Variants in RASAL1 observed in about 807,000 individuals in gnomAD.
RASAL1 encodes the protein rasGAP-activating-like protein 1.
A neutral mutation model predicts 96.6 loss-of-function variants in RASAL1; 72 were observed. The ratio of observed to expected loss-of-function variants is 0.75; its 90% CI spans 0.62 to 0.91. RASAL1 has a LOEUF of 0.91. Ranked by LOEUF, RASAL1 falls within the 40% of genes least tolerant of loss-of-function variation. The probability of loss-of-function intolerance (pLI) is 0.00; values close to 1 mark genes in which losing one functional copy is unlikely to be tolerated. For synonymous variants in RASAL1, 405 were observed against 430.4 expected (o/e 0.94, Z 0.73); for missense variants, 1,016 against 1,072.5 (o/e 0.95, Z 0.74).
chr12:113,100,674 T>A lies in RASAL1; in HGVS notation c.2232A>T (p.Lys744Asn), dbSNP rs1950411840. The A allele has an allele frequency of 6.2e-7, 1 of 1,609,086 alleles. No individual in the cohort carries two copies. Among genetic ancestry groups the A allele is most frequent in the Non-Finnish European group, 8.5e-7 (1 of 1,176,196 alleles). The part of the protein sequence containing the change: ...LLLGRDQLRL[K>N]LLEDSNMDTT... ...TATCCATGTTAGAATCCTCCAGTAATTTCAGCCTGGAAGGTAAGAGGGAGA... is the reference window on the plus strand; with the variant it reads ...TATCCATGTTAGAATCCTCCAGTAAATTCAGCCTGGAAGGTAAGAGGGAGA... Residue 744 changes from lysine (K) to asparagine (N), a missense_variant, in exon 20 of 21, where the codon AAA becomes AAT. Lys to Asn is a moderately conservative substitution (Grantham distance 94). Transcript: ENST00000548055.
rs964082304 is a variant in RASAL1, at chr12:113,129,625, G to A, written c.122+1260C>T. On this transcript the variant is annotated intron_variant, in intron 2 of 20. Coordinates refer to ENST00000548055, the MANE Select transcript of RASAL1 (RefSeq NM_001301202.2). The surrounding 1 kb of genome is among the most constrained non-coding windows in gnomAD (Gnocchi z 5.0). The stretch of plus-strand genomic sequence containing the variant: ...GCCCGGTAAAGACACACCCACATTT[G>A]TGGATGCAAAGTTTGGTTCTCATAC... Among the ~76,000 whole-genome samples, 1 of 152,196 alleles carries A rather than the reference G, an allele frequency of 6.6e-6. No individual in the cohort carries two copies. Among genetic ancestry groups the A allele is most frequent in the African/African-American group, 2.4e-5 (1 of 41,444 alleles).
At chr12:113,134,096 AGGCCGTCTCATTCCCAG>A (rs373802034) in intron 1 of RASAL1, among the ~76,000 whole-genome samples, 1,772 of 152,294 alleles carry the variant, frequency 0.012, 21 homozygotes, top group African/African-American at 0.041. Flanking sequence ...CTAACAGTGT[AGGCCGTCTCATTCCCAG>A]GGCCTCTGAG....
intron 13 of RASAL1, among the ~76,000 whole-genome samples, chr12:113,111,067 C>A (rs1950849011): frequency 6.6e-6 from 1 of 151,936 alleles, no homozygotes; most frequent in Non-Finnish European, 1.5e-5. Context: ...TGGCCACAGT[C>A]TTCATGTCTC....
intron 14 of RASAL1, chr12:113,107,709 C>T: frequency 2.5e-6 from 1 of 395,926 alleles, no homozygotes; most frequent in Non-Finnish European, 4.9e-6. Context: ...CTGCACTCCC[C>T]ACTAACCTTA....
In RASAL1 at chr12:113,121,603, G is replaced by A. The variant is rs776090911; in HGVS notation, c.334C>T (p.Pro112Ser). The stretch of plus-strand genomic sequence containing the variant: ...ATCTCACCCTGCACTTCTGCATCTG[G>A]GTCCACTCGGCTCAAGTTAATCCAG... ...DSWINLSRVD[P>S]DAEVQGEICL... Residue 112 changes from proline (P) to serine (S), a missense_variant, in exon 5 of 21, where the codon CCA becomes TCA. Pro to Ser is a moderately conservative substitution (Grantham distance 74, BLOSUM62 -1). Transcript: ENST00000548055. 1 of 1,614,148 alleles carries A rather than the reference G, an allele frequency of 6.2e-7. No individual in the cohort carries two copies. Among genetic ancestry groups the A allele is most frequent in the Non-Finnish European group, 8.5e-7 (1 of 1,180,038 alleles).
In RASAL1 at chr12:113,107,230, G is replaced by A. The variant is rs1950680467; in HGVS notation, c.1524C>T (p.Ser508=). 3.1e-6 allele frequency: 5 copies of A among 1,608,392 alleles called. No individual in the cohort carries two copies. Among genetic ancestry groups the A allele is most frequent in the Non-Finnish European group, 4.2e-6 (5 of 1,176,978 alleles). Residue 508 remains serine, a synonymous_variant, in exon 15 of 21, where the codon AGC becomes AGT. Coordinates refer to ENST00000548055, the MANE Select transcript of RASAL1 (RefSeq NM_001301202.2). ...SLLLLAKAVQ[S]IGNLGQQLGQ... is the part of the protein sequence containing the mutation. ...CCAGCTGCTGGCCCAGGTTTCCAAT[G>A]CTCTGCACAGCCTGGAGCAAAGAAG...
At chr12:113,132,010 C>T (rs1298991394) in intron 1 of RASAL1, among the ~76,000 whole-genome samples, 1 of 139,926 alleles carries the variant, frequency 7.1e-6, no homozygotes, top group Non-Finnish European at 1.5e-5. Context: ...CTCACCGTAT[C>T]ACCCAGGCTG....
In RASAL1 at chr12:113,099,916, C is replaced by T. The variant is rs1249439767; in HGVS notation, c.*13G>A. Reference sequence around the variant, plus strand: ...GCTCTTGCTCCTCCTTCCGGGCTAGCTCTGGCATTTCCTTAGGGGCCAAGG... The same window carrying T: ...GCTCTTGCTCCTCCTTCCGGGCTAGTTCTGGCATTTCCTTAGGGGCCAAGG... On this transcript the variant is annotated 3_prime_UTR_variant, in exon 21 of 21. Transcript: ENST00000548055. 3 of 1,606,064 alleles carry T rather than the reference C, an allele frequency of 1.9e-6. No individual in the cohort carries two copies. The highest frequency in any genetic ancestry group is 2.7e-5 in the African/African-American group (2 of 74,746).
chr12:113,115,317 C>T lies in RASAL1; in HGVS notation c.1004-53G>A. 1 of 1,486,230 alleles carries T rather than the reference C, an allele frequency of 6.7e-7. No individual in the cohort carries two copies. Among genetic ancestry groups the T allele is most frequent in the South Asian group, 1.1e-5 (1 of 88,344 alleles). The allele number at this position is 1,486,230 out of a possible 1,614,324, so 92.1% of individuals were successfully genotyped here. ...GGGATTTAGGGAGCTGAACCCAGCT[C>T]ACCCCACTCACCCAAGGTGGGAGTC... On this transcript the variant is annotated intron_variant, in intron 10 of 20. Coordinates refer to ENST00000548055, the MANE Select transcript of RASAL1 (RefSeq NM_001301202.2). This position sits in a 1 kb window ranked among gnomAD's most constrained non-coding sequence, Gnocchi z 4.1.
At chr12:113,125,934 C>A (rs143280752) in intron 4 of RASAL1, among the ~76,000 whole-genome samples, 8 of 152,156 alleles carry the variant, frequency 5.3e-5, no homozygotes, top group Non-Finnish European at 1.2e-4. Flanking sequence ...ACGAAGAATG[C>A]GGAAACTCTG....
rs951911143 is a variant in RASAL1 at position 113,130,207 on chromosome 12, G to A, written c.122+678C>T. 1.3e-5 allele frequency among the ~76,000 whole-genome samples: 2 copies of A among 152,162 alleles called. No homozygotes were observed. Among genetic ancestry groups the A allele is most frequent in the African/African-American group, 2.4e-5 (1 of 41,420 alleles). On this transcript the variant is annotated intron_variant, in intron 2 of 20. Transcript: ENST00000548055. This position sits in a 1 kb window ranked among gnomAD's most constrained non-coding sequence, Gnocchi z 5.1. ...TGTCCCTCGGCCTGCGGGGGTGGGA[G>A]CCAAGCAGGGCGCAGCCTGATATCC...
chr12:113,107,670 T>C, intron 14 of RASAL1: 1 of 389,062 alleles, frequency 2.6e-6, no homozygotes, highest in Non-Finnish European at 5.0e-6. Context: ...CCTTGGGTGA[T>C]GTCTGTTTCC....
At chr12:113,102,300 G>A (rs1950477022) in intron 18 of RASAL1, among the ~76,000 whole-genome samples, 1 of 152,220 alleles carries the variant, frequency 6.6e-6, no homozygotes, top group African/African-American at 2.4e-5. Flanking sequence ...GCTCACGCCT[G>A]TAATCCCAGA....
chr12:113,105,035 G>C (rs962054822), intron 16 of RASAL1, among the ~76,000 whole-genome samples: 3 of 152,190 alleles, frequency 2.0e-5, no homozygotes, highest in Admixed American at 6.5e-5. Flanking sequence ...CCCAAAATTG[G>C]AACCCAGAGA....
In RASAL1 at chr12:113,115,929, C is replaced by T. The variant is rs761053765; in HGVS notation, c.849+5G>A. 6.3e-7 allele frequency: 1 copy of T among 1,588,172 alleles called. No individual in the cohort carries two copies. The highest frequency in any genetic ancestry group is 1.1e-5 in the South Asian group (1 of 87,100). On this transcript the variant is annotated splice_donor_5th_base_variant and intron_variant, in intron 9 of 20. Transcript: ENST00000548055. This position sits in a 1 kb window ranked among gnomAD's most constrained non-coding sequence, Gnocchi z 4.1. ...CTGATAGCATTGCTTGCCTGACGCA[C>T]CCACCTCTGCTGGCCCCTGCACAGA...
rs1363808563 is a variant in RASAL1 at position 113,112,199 on chromosome 12, G to C, written c.1261C>G (p.Pro421Ala). The change falls in exon 13 of 21, where the codon CCC (proline) becomes GCC (alanine). Residue 421 changes from proline to alanine, a missense_variant. Pro to Ala is a conservative substitution (Grantham distance 27, BLOSUM62 -1). Coordinates refer to ENST00000548055, the MANE Select transcript of RASAL1 (RefSeq NM_001301202.2). ...SLGLLTGYLG[P>A]IVDAIVGSVG... ...GAGCCCACGATGGCGTCCACGATGGGCCCCAGGTAGCCCGTCAGCAGCCCC... is the reference window on the plus strand; with the variant it reads ...GAGCCCACGATGGCGTCCACGATGGCCCCCAGGTAGCCCGTCAGCAGCCCC... 4.0e-6 allele frequency: 5 copies of C among 1,261,230 alleles called. No individual in the cohort carries two copies. The African/African-American group carries it at 7.7e-5, about 19-fold the overall frequency. The allele number at this position is 1,261,230 out of a possible 1,614,324, so 78.1% of individuals were successfully genotyped here.
intron 12 of RASAL1, 101 bp downstream of exon 12, chr12:113,114,699 C>T (rs1419138314): frequency 3.2e-6 from 3 of 952,112 alleles, no homozygotes; most frequent in African/African-American, 3.2e-5. Context: ...GCAGCTGTAG[C>T]CCCAGGGTGG....
At chr12:113,132,207 C>T (rs1951741773) in intron 1 of RASAL1, among the ~76,000 whole-genome samples, 1 of 151,980 alleles carries the variant, frequency 6.6e-6, no homozygotes, top group Non-Finnish European at 1.5e-5. Context: ...TCCTGGCCTC[C>T]AGTAATCCAC....
At chr12:113,124,071 A>C (rs993837552) in intron 4 of RASAL1, among the ~76,000 whole-genome samples, 1 of 152,162 alleles carries the variant, frequency 6.6e-6, no homozygotes, top group Non-Finnish European at 1.5e-5. Context: ...ATACAAAAAA[A>C]GTTAGGCATG....
Sources: allele counts gnomAD v4.1 joint callset (sites outside exome capture counted in the v4.1 genomes callset), GRCh38; gene constraint gnomAD v4.1.1; non-coding constraint Gnocchi (gnomAD v3.1); transcripts MANE v1.5; gene names NCBI Gene and HGNC (gene_info 2026-07-23, HGNC 2026-07-21).